The following SCYL2 variants were observed in gnomAD, a reference collection of about 807,000 sequenced individuals.
The protein encoded by SCYL2 is SCY1 like pseudokinase 2, also known as SCY1-like protein 2.
A neutral mutation model predicts 100.4 loss-of-function variants in SCYL2; 36 were observed. The ratio of observed to expected loss-of-function variants is 0.36; its 90% confidence interval spans 0.27 to 0.47. The LOEUF (loss-of-function observed/expected upper bound fraction) is 0.47. SCYL2 is among the 20% of genes least tolerant of loss of function. The probability of loss-of-function intolerance (pLI) is 1.00; values close to 1 mark genes in which losing one functional copy is unlikely to be tolerated. For synonymous variants in SCYL2, 330 were observed against 359.2 expected (o/e 0.92, Z 0.92); for missense variants, 902 against 1,083.9 (o/e 0.83, Z 2.36).
At chr12:100,285,761 G>A (rs2096303827) in intron 2 of SCYL2, among the ~76,000 whole-genome samples, 1 of 151,948 alleles carries the variant, frequency 6.6e-6, no homozygotes, top group Admixed American at 6.6e-5. Context: ...ATGTTTTCAG[G>A]CTTAAAATGG....
chr12:100,334,376 C>G lies in SCYL2; in HGVS notation c.1862+110C>G, dbSNP rs540277551. ...AAAACTTGCTGGATTTAAATTTGAC[C>G]ACATGTAAAACATTTCAAAATTTAC... is the stretch of plus-strand genomic sequence containing the variant. On this transcript the variant is annotated intron_variant, in intron 14 of 17. Transcript: ENST00000360820. The G allele has an allele frequency of 2.9e-5, 21 of 714,142 alleles. No individual in the cohort carries two copies. The Admixed American group carries it at 4.8e-4, about 16-fold the overall frequency. 44.2% of individuals were successfully genotyped at this position (714,142 alleles called of 1,614,324 possible).
In SCYL2 at chr12:100,341,113, A is replaced by G. The variant is rs1235531262; in HGVS notation, c.*1941A>G. 1.3e-5 allele frequency: 2 copies of G among 152,114 alleles called. No homozygotes were observed. Among genetic ancestry groups the G allele is most frequent in the African/African-American group, 2.4e-5 (1 of 41,454 alleles). 9.4% of individuals were successfully genotyped at this position (152,114 alleles called of 1,614,324 possible). Reference sequence around the variant, plus strand: ...GTCATTTGAAAAAAATACAGTATGTAAAATTTGTTCATTCGTTGAGGTAAT... The same window carrying G: ...GTCATTTGAAAAAAATACAGTATGTGAAATTTGTTCATTCGTTGAGGTAAT... On this transcript the variant is annotated 3_prime_UTR_variant, in exon 18 of 18. Coordinates refer to ENST00000360820, the MANE Select transcript of SCYL2 (RefSeq NM_017988.6).
At chr12:100,304,917 A>T (rs2096332405) in intron 4 of SCYL2, among the ~76,000 whole-genome samples, 1 of 152,226 alleles carries the variant, frequency 6.6e-6, no homozygotes, top group South Asian at 2.1e-4. Flanking sequence ...AGGGCACTAC[A>T]TAATGGTACA....
rs534531381 is a variant in SCYL2, at chr12:100,340,866, C to G, written c.*1694C>G. 1 of 152,054 alleles carries G rather than the reference C, an allele frequency of 6.6e-6. No individual in the cohort carries two copies. The highest frequency in any genetic ancestry group is 2.1e-4 in the South Asian group (1 of 4,816). 9.4% of individuals were successfully genotyped at this position (152,054 alleles called of 1,614,324 possible). On this transcript the variant is annotated 3_prime_UTR_variant, in exon 18 of 18. Transcript: ENST00000360820. ...TTCACAACTTGACCAGATTAGCTGT[C>G]CTGTTTGTAATGCAATATTAATATG...
intron 12 of SCYL2, among the ~76,000 whole-genome samples, chr12:100,327,796 G>A (rs1249992389): frequency 1.3e-5 from 2 of 152,064 alleles, no homozygotes; most frequent in Admixed American, 6.6e-5. Flanking sequence ...TTACCGCCTG[G>A]TTCTTTGTTA....
At chr12:100,304,043 T>G (rs1406592321) in intron 4 of SCYL2, among the ~76,000 whole-genome samples, 1 of 152,148 alleles carries the variant, frequency 6.6e-6, no homozygotes, top group Non-Finnish European at 1.5e-5. Flanking sequence ...TCTACGCGGC[T>G]TTGTTTACAC....
chr12:100,301,408 C>T (rs2096327492), intron 4 of SCYL2, among the ~76,000 whole-genome samples: 1 of 152,060 alleles, frequency 6.6e-6, no homozygotes, highest in African/African-American at 2.4e-5. Context: ...AATCCCTTGT[C>T]AGATGGGTCA....
intron 1 of SCYL2, among the ~76,000 whole-genome samples, chr12:100,270,341 C>T (rs532954064): frequency 6.6e-6 from 1 of 152,214 alleles, no homozygotes; most frequent in Admixed American, 6.5e-5. Flanking sequence ...AGGAAGTGAT[C>T]ATTTAATCTA....
chr12:100,300,797 G>A (rs2096326649), intron 4 of SCYL2, among the ~76,000 whole-genome samples: 1 of 152,118 alleles, frequency 6.6e-6, no homozygotes, highest in Admixed American at 6.5e-5. Context: ...ATGACACCCA[G>A]TTCCATCTAT....
chr12:100,330,797 C>G (rs1952199419), intron 13 of SCYL2, among the ~76,000 whole-genome samples: 1 of 150,258 alleles, frequency 6.7e-6, no homozygotes, highest in Non-Finnish European at 1.5e-5. Flanking sequence ...GGGTAAGCCT[C>G]TGAAAATTTG....
chr12:100,273,174 T>A (rs187018322), intron 1 of SCYL2, among the ~76,000 whole-genome samples: 7 of 152,284 alleles, frequency 4.6e-5, no homozygotes, highest in Admixed American at 4.6e-4. Context: ...CTCAATGTCC[T>A]TGGTGATCTG....
At position 100,309,131 on chromosome 12, in the gene SCYL2, T is replaced by C. The variant is rs559423240; in HGVS notation, c.481-1913T>C. The stretch of plus-strand genomic sequence containing the variant: ...TTGTGTGTGTGTGTGTGTGTGTGTG[T>C]GTGCGCGCGCGTGTGTGCAGCTAGT... On this transcript the variant is annotated intron_variant, in intron 4 of 17. Transcript: ENST00000360820. Among the ~76,000 whole-genome samples, 579 of 150,400 alleles carry C rather than the reference T, an allele frequency of 3.8e-3. 6 individuals are homozygous for C. Among genetic ancestry groups the C allele is most frequent in the South Asian group, 0.027 (129 of 4,710 alleles).
chr12:100,278,055 A>G (rs1422784115), intron 1 of SCYL2, among the ~76,000 whole-genome samples: 2 of 152,184 alleles, frequency 1.3e-5, no homozygotes, highest in Non-Finnish European at 2.9e-5. Context: ...TTCTGCATAT[A>G]TTATAAACAC....
chr12:100,321,946 A>G (rs2096356219), intron 10 of SCYL2, among the ~76,000 whole-genome samples: 1 of 148,740 alleles, frequency 6.7e-6, no homozygotes, highest in Non-Finnish European at 1.5e-5. Context: ...GCTACTTGGG[A>G]GGCTGAGTTG....
At chr12:100,269,925 T>C (rs953938315) in intron 1 of SCYL2, among the ~76,000 whole-genome samples, 1 of 152,198 alleles carries the variant, frequency 6.6e-6, no homozygotes, top group Non-Finnish European at 1.5e-5. Context: ...TGAAAACCAC[T>C]GTCTTAGACA....
At chr12:100,326,886 A>G (rs1176905905) in intron 12 of SCYL2, 132 bp downstream of exon 12, 3 of 701,210 alleles carry the variant, frequency 4.3e-6, no homozygotes, top group Non-Finnish European at 6.7e-6. Flanking sequence ...AAATACCATA[A>G]TATAACTTTT....
chr12:100,304,195 C>T (rs1198369857), intron 4 of SCYL2, among the ~76,000 whole-genome samples: 6 of 152,188 alleles, frequency 3.9e-5, no homozygotes, highest in Non-Finnish European at 7.4e-5. Flanking sequence ...GGCTGGGCTC[C>T]TTGGGGGTGG....
rs1192591191 is a variant in SCYL2 at position 100,340,354 on chromosome 12, TTTTC to T, written c.*1186_*1189del. The T allele has an allele frequency of 6.6e-6, 1 of 152,132 alleles. No individual in the cohort carries two copies. Among genetic ancestry groups the T allele is most frequent in the Non-Finnish European group, 1.5e-5 (1 of 67,966 alleles). 9.4% of individuals were successfully genotyped at this position (152,132 alleles called of 1,614,324 possible). The stretch of plus-strand genomic sequence containing the variant: ...ATTTTTCAAAACCTTTCTCTGATAT[TTTTC>T]TTTAATTTGCTGATTATTCAACCAC... On this transcript the variant is annotated 3_prime_UTR_variant, in exon 18 of 18. Transcript: ENST00000360820.
At chr12:100,302,701 A>G (rs779152920) in intron 4 of SCYL2, among the ~76,000 whole-genome samples, 3 of 152,060 alleles carry the variant, frequency 2.0e-5, no homozygotes, top group African/African-American at 4.8e-5. Flanking sequence ...CTTCATTTCA[A>G]CCTTGGTGAA....
Sources: gnomAD v4.1 joint callset for allele counts (sites outside exome capture counted in the v4.1 genomes callset) on GRCh38, gnomAD v4.1.1 for gene constraint, MANE v1.5 for transcripts, NCBI Gene and HGNC (gene_info 2026-07-23, HGNC 2026-07-21) for gene names.